Variants in ST18 observed in about 807,000 individuals in gnomAD.
ST18 encodes suppression of tumorigenicity 18 protein.
In ST18, 50 loss-of-function variants were observed where a neutral mutation model predicts 110.0. The observed-to-expected ratio is 0.45, with a 90% CI of 0.36 to 0.58. ST18 has a LOEUF of 0.58. Among genes scored for constraint, ST18 ranks in the 20% least tolerant of loss-of-function variants. The probability of loss-of-function intolerance (pLI) is 0.00; values close to 1 mark genes in which losing one functional copy is unlikely to be tolerated. For missense variants in ST18, 1,306 were observed against 1,280.1 expected, an observed-to-expected ratio of 1.02 and a Z score of -0.31; for synonymous variants, 461 against 452.4, an observed-to-expected ratio of 1.02 and a Z score of -0.24.
chr8:52,303,337 C>T (rs1185593886), intron 2 of ST18, among the ~76,000 whole-genome samples: 1 of 152,196 alleles, frequency 6.6e-6, no homozygotes, highest in Non-Finnish European at 1.5e-5. Flanking sequence ...TGCCTTCGTC[C>T]CTTTATGTTT....
intron 2 of ST18, among the ~76,000 whole-genome samples, chr8:52,399,057 C>A (rs1337747991): frequency 1.3e-5 from 2 of 151,914 alleles, no homozygotes; most frequent in Non-Finnish European, 2.9e-5. Flanking sequence ...GCTCTGAAGC[C>A]AACTGGTCCT....
At chr8:52,405,839 G>A (rs942549813) in intron 2 of ST18, 3 of 152,058 alleles carry the variant, frequency 2.0e-5, no homozygotes, top group Non-Finnish European at 4.4e-5. Flanking sequence ...ACAAATCCAA[G>A]GAGAAAGGAA....
intron 2 of ST18, chr8:52,404,204 C>T (rs1187370273): frequency 6.6e-6 from 1 of 152,152 alleles, no homozygotes; most frequent in Non-Finnish European, 1.5e-5. Flanking sequence ...ATTTGATTAA[C>T]CACATTAGAA....
intron 2 of ST18, among the ~76,000 whole-genome samples, chr8:52,276,324 C>T (rs928435817): frequency 3.4e-5 from 5 of 148,932 alleles, no homozygotes; most frequent in East Asian, 2.0e-4. Context: ...ACAAACACAC[C>T]GCACCTCACA....
intron 2 of ST18, among the ~76,000 whole-genome samples, chr8:52,336,656 T>A (rs1040493132): frequency 6.6e-6 from 1 of 152,064 alleles, no homozygotes; most frequent in Admixed American, 6.5e-5. Context: ...CCAAGTGAGG[T>A]TGGGTGAGAT....
intron 9 of ST18, among the ~76,000 whole-genome samples, chr8:52,178,520 G>A (rs1460669865): frequency 6.7e-6 from 1 of 148,948 alleles, no homozygotes; most frequent in African/African-American, 2.5e-5. Context: ...AGGAGGCTGA[G>A]GCAGGAGAAT....
intron 2 of ST18, among the ~76,000 whole-genome samples, chr8:52,306,808 A>T (rs549777113): frequency 6.6e-6 from 1 of 152,322 alleles, no homozygotes; most frequent in African/African-American, 2.4e-5. Flanking sequence ...ATAGAAATCA[A>T]ATCTATTTCC....
At chr8:52,130,609 A>G (rs2049186578) in intron 22 of ST18, among the ~76,000 whole-genome samples, 1 of 152,212 alleles carries the variant, frequency 6.6e-6, no homozygotes, top group African/African-American at 2.4e-5. Flanking sequence ...TGCTGGGGCA[A>G]GTGCATTTGT....
At chr8:52,163,957 G>A (rs2062132995) in intron 13 of ST18, 29 bp downstream of exon 13, 1 of 1,556,234 alleles carries the variant, frequency 6.4e-7, no homozygotes, top group Non-Finnish European at 8.9e-7. Context: ...GATGAAGAGA[G>A]CACTGAGAAC....
intron 23 of ST18, among the ~76,000 whole-genome samples, chr8:52,119,883 T>C (rs1015699205): frequency 4.6e-5 from 7 of 152,182 alleles, no homozygotes; most frequent in African/African-American, 1.7e-4. Context: ...GAGTGTGTCA[T>C]AAGATTGATA....
chr8:52,386,682 GGA>G (rs1299943523), intron 2 of ST18, among the ~76,000 whole-genome samples: 8 of 152,168 alleles, frequency 5.3e-5, no homozygotes, highest in Non-Finnish European at 1.0e-4. Context: ...TTTTAAAAGG[GGA>G]GAGTTCTCCT....
At chr8:52,188,071 G>A (rs2073065197) in intron 8 of ST18, among the ~76,000 whole-genome samples, 4 of 152,120 alleles carry the variant, frequency 2.6e-5, no homozygotes, top group East Asian at 1.9e-4. Context: ...ATTTATCAAT[G>A]TCGTAAGTTT....
intron 8 of ST18, among the ~76,000 whole-genome samples, chr8:52,180,975 G>A (rs938281396): frequency 1.3e-5 from 2 of 152,174 alleles, no homozygotes; most frequent in African/African-American, 2.4e-5. Context: ...CACAAAAATG[G>A]ACAACAGTTT....
intron 15 of ST18, among the ~76,000 whole-genome samples, chr8:52,156,930 T>A (rs2060173490): frequency 6.6e-6 from 1 of 152,154 alleles, no homozygotes; most frequent in Admixed American, 6.5e-5. Context: ...GTGCTCTCTG[T>A]CTCTTCCACC....
rs574586224 is a variant in ST18, at chr8:52,186,502, C to T, written c.87-6190G>A. 3.3e-5 allele frequency among the ~76,000 whole-genome samples: 5 copies of T among 152,268 alleles called. No homozygotes were observed. The East Asian group carries it at 9.7e-4, about 29-fold the overall frequency. ...CGGTATGGCTGCTTTGGAAACTGCTCAACAGTATCTACTAAAGGTGAACAG... is the reference window on the plus strand; with the variant it reads ...CGGTATGGCTGCTTTGGAAACTGCTTAACAGTATCTACTAAAGGTGAACAG... On this transcript the variant is annotated intron_variant, in intron 8 of 25. Coordinates refer to ENST00000689386, the MANE Select transcript of ST18 (RefSeq NM_001352837.2).
At chr8:52,313,477 A>G in intron 2 of ST18, 1 of 164,876 alleles carries the variant, frequency 6.1e-6, no homozygotes, top group Admixed American at 5.6e-5. Context: ...AAAGCTTATG[A>G]CAGTATGTCC....
intron 8 of ST18, among the ~76,000 whole-genome samples, chr8:52,187,074 G>T (rs2072583162): frequency 6.6e-6 from 1 of 152,016 alleles, no homozygotes; most frequent in Admixed American, 6.6e-5. Flanking sequence ...AGGTCCATTT[G>T]CAGCCTGGTA....
chr8:52,254,686 T>G (rs1168859085), intron 2 of ST18, among the ~76,000 whole-genome samples: 1 of 152,158 alleles, frequency 6.6e-6, no homozygotes, highest in African/African-American at 2.4e-5. Context: ...AACAACAACC[T>G]AAAATATATG....
chr8:52,206,286 C>T (rs888928572), intron 8 of ST18: 1 of 152,242 alleles, frequency 6.6e-6, no homozygotes, highest in Non-Finnish European at 1.5e-5. Context: ...TTGAGGCCCA[C>T]TCAATACACC....
Sources: gnomAD v4.1 joint callset for allele counts (sites outside exome capture counted in the v4.1 genomes callset) on GRCh38, gnomAD v4.1.1 for gene constraint, MANE v1.5 for transcripts, NCBI Gene and HGNC (gene_info 2026-07-23, HGNC 2026-07-21) for gene names.